Variants in ANTXRL observed in about 807,000 individuals in gnomAD.
ANTXRL encodes the protein ANTXR like.
In ANTXRL, 63 loss-of-function variants were observed where a neutral mutation model predicts 75.4. The observed-to-expected ratio is 0.84, with a 90% confidence interval of 0.68 to 1.03. ANTXRL has a LOEUF of 1.03. Among genes scored for constraint, ANTXRL ranks in the 50% least tolerant of loss-of-function variants. The pLI, the probability that ANTXRL is intolerant of heterozygous loss-of-function variation, is 0.00. For synonymous variants in ANTXRL, 335 were observed against 291.3 expected (o/e 1.15, Z -1.53); for missense variants, 797 against 789.4 (o/e 1.01, Z -0.12).
At chr10:46,301,340 T>G (rs1588820509) in intron 9 of ANTXRL, among the ~76,000 whole-genome samples, 1 of 152,204 alleles carries the variant, frequency 6.6e-6, no homozygotes, top group East Asian at 1.9e-4. Flanking sequence ...GTCTAGTTGC[T>G]CAGAACAGGG....
intron 10 of ANTXRL, 130 bp downstream of exon 10, chr10:46,302,950 G>T (rs540449454): frequency 5.1e-5 from 37 of 728,784 alleles, no homozygotes; most frequent in Non-Finnish European, 7.2e-5. Context: ...AGGCCATGAG[G>T]ACAAGTGGAA....
At chr10:46,316,646 A>G (rs1200988250) in intron 16 of ANTXRL, among the ~76,000 whole-genome samples, 3 of 152,060 alleles carry the variant, frequency 2.0e-5, no homozygotes, top group Non-Finnish European at 2.9e-5. Flanking sequence ...GTCAGGTTCC[A>G]CCCCATGTCC....
chr10:46,313,254 T>C lies in ANTXRL; in HGVS notation c.1348T>C (p.Cys450Arg), dbSNP rs187031765. The C allele has an allele frequency of 4.3e-4, 659 of 1,534,454 alleles. 2 individuals carry two copies. The highest frequency in any genetic ancestry group is 1.0e-3 in the Middle Eastern group (6 of 5,978). Residue 450 changes from cysteine (C) to arginine (R), a missense_variant, in exon 16 of 17, where the codon TGT (cysteine) becomes CGT (arginine). By Grantham distance (180) the Cys-to-Arg change is radical. Transcript: ENST00000620264. The stretch of plus-strand genomic sequence containing the variant: ...TTTTCAGGGCAATCTGGATACCTTT[T>C]GTGACCTCTCTCACGCAAGCTGCCA... ...RRIEGNLDTFCDLSHASCHQV... is the reference protein window; with the variant it reads ...RRIEGNLDTFRDLSHASCHQV...
At chr10:46,286,793 A>G (rs1836784236), upstream of ANTXRL, among the ~76,000 whole-genome samples, 1 of 152,172 alleles carries the variant, frequency 6.6e-6, no homozygotes, top group East Asian at 1.9e-4. Flanking sequence ...GTCCTCACCT[A>G]ACTCACCTGG....
chr10:46,306,973 G>C, intron 11 of ANTXRL, 101 bp downstream of exon 11: 1 of 1,006,584 alleles, frequency 9.9e-7, no homozygotes, highest in African/African-American at 1.6e-5. Flanking sequence ...CCCCTGCTGG[G>C]ACAGCACATA....
intron 1 of ANTXRL, among the ~76,000 whole-genome samples, chr10:46,288,055 C>T (rs1447328705): frequency 6.6e-6 from 1 of 152,036 alleles, no homozygotes; most frequent in Non-Finnish European, 1.5e-5. Flanking sequence ...ACTTTCAGAA[C>T]AGTTTGGTCT....
intron 5 of ANTXRL, 69 bp downstream of exon 5, chr10:46,296,321 C>T: frequency 6.6e-7 from 1 of 1,504,362 alleles, no homozygotes; most frequent in Non-Finnish European, 8.9e-7. Context: ...TCAGAGAGCT[C>T]TGTGTGCAGA....
rs1226859344 is a variant in ANTXRL at position 46,293,869 on chromosome 10, G to C, written c.361G>C (p.Gly121Arg). 8 of 1,535,564 alleles carry C rather than the reference G, an allele frequency of 5.2e-6. No homozygotes were observed. The highest frequency in any genetic ancestry group is 4.4e-6 in the Non-Finnish European group (5 of 1,146,678). The change falls in exon 3 of 17, where the codon GGC becomes CGC. Residue 121 changes from glycine to arginine, a missense_variant. Gly to Arg is a moderately radical substitution (Grantham distance 125). Around this residue, in one of 3 missense-constraint regions of ANTXRL, gnomAD observed 262 missense variants for 271.9 expected, o/e 0.96. Coordinates refer to ENST00000620264, the MANE Select transcript of ANTXRL (RefSeq NM_001278688.3). ...RMCFITYSTD[G>R]QTVLPLTSDK... ...GTGCTTCATCACCTACTCCACAGACGGCCAGACTGTCTTGCCACTCACCTC... is the reference window on the plus strand; with the variant it reads ...GTGCTTCATCACCTACTCCACAGACCGCCAGACTGTCTTGCCACTCACCTC...
chr10:46,307,514 A>C, intron 12 of ANTXRL, 34 bp downstream of exon 12: 1 of 1,505,444 alleles, frequency 6.6e-7, no homozygotes. Flanking sequence ...AACATGTATG[A>C]GGACTGTCCA....
chr10:46,313,356 C>A, intron 16 of ANTXRL, 40 bp downstream of exon 16: 2 of 1,517,774 alleles, frequency 1.3e-6, no homozygotes, highest in Non-Finnish European at 1.8e-6. Context: ...GGACAAAAGG[C>A]CACTGCTTTT....
chr10:46,312,048 T>C (rs1334101168), intron 15 of ANTXRL, among the ~76,000 whole-genome samples: 1 of 145,636 alleles, frequency 6.9e-6, no homozygotes, highest in African/African-American at 2.5e-5. Context: ...TCAAGCAACC[T>C]GAGTCACAAA....
intron 16 of ANTXRL, among the ~76,000 whole-genome samples, chr10:46,319,977 T>C (rs1838904468): frequency 6.6e-6 from 1 of 152,192 alleles, no homozygotes; most frequent in East Asian, 1.9e-4. Flanking sequence ...AAAAAGGAGA[T>C]GTGAAGCTGC....
intron 13 of ANTXRL, among the ~76,000 whole-genome samples, chr10:46,310,252 AG>A: frequency 6.6e-6 from 1 of 152,098 alleles, no homozygotes; most frequent in East Asian, 1.9e-4. Flanking sequence ...GCGGCGGTAC[AG>A]GGGTTCCCCT....
intron 16 of ANTXRL, among the ~76,000 whole-genome samples, chr10:46,314,073 G>GTT (rs1838585961): frequency 6.6e-6 from 1 of 152,180 alleles, no homozygotes; most frequent in Non-Finnish European, 1.5e-5. Flanking sequence ...CATCACCAGG[G>GTT]TTTATAGAGG....
chr10:46,324,602 G>A (rs1026669269), intron 16 of ANTXRL, among the ~76,000 whole-genome samples: 7 of 152,090 alleles, frequency 4.6e-5, no homozygotes, highest in African/African-American at 1.7e-4. Context: ...TTAGGTTTTA[G>A]CGTATATTGG....
intron 10 of ANTXRL, among the ~76,000 whole-genome samples, chr10:46,305,278 G>A (rs1435084632): frequency 6.6e-6 from 1 of 152,156 alleles, no homozygotes; most frequent in Non-Finnish European, 1.5e-5. Context: ...CCTGGTTCTG[G>A]CTTCTGGAAG....
intron 16 of ANTXRL, among the ~76,000 whole-genome samples, chr10:46,322,661 A>G (rs528404487): frequency 6.6e-6 from 1 of 152,282 alleles, no homozygotes; most frequent in South Asian, 2.1e-4. Context: ...AGCTTTTAAT[A>G]GTAGAAGCTT....
Position 46,287,349 on chromosome 10 carries a change from C to T in ANTXRL, c.87C>T (p.Ser29=). 1 of 1,536,036 alleles carries T rather than the reference C, an allele frequency of 6.5e-7. No homozygotes were observed. Among genetic ancestry groups the T allele is most frequent in the South Asian group, 1.2e-5 (1 of 84,046 alleles). ...LLPPPLFRAG[S]LRYHGPDWRI... ...CTCCACCGCTTTTTAGAGCAGGAAG[C>T]CTTCGGTACCATGGACCTGACTGGA... Residue 29 remains serine (S), a synonymous_variant, in exon 1 of 17, where the codon AGC becomes AGT. Coordinates refer to ENST00000620264, the MANE Select transcript of ANTXRL (RefSeq NM_001278688.3).
At chr10:46,297,717 G>A (rs1837467518) in intron 7 of ANTXRL, 114 bp from the exon 8 acceptor site, 1 of 1,021,200 alleles carries the variant, frequency 9.8e-7, no homozygotes, top group South Asian at 1.4e-5. Flanking sequence ...GACATTCAGA[G>A]CCTGACATTC....
Sources: allele counts gnomAD v4.1 joint callset (sites outside exome capture counted in the v4.1 genomes callset), GRCh38; gene constraint gnomAD v4.1.1; regional missense constraint gnomAD v4.1.1; transcripts MANE v1.5; gene names NCBI Gene and HGNC (gene_info 2026-07-23, HGNC 2026-07-21).